SLC15A1: variants seen among roughly 807,000 people sequenced by gnomAD.
SLC15A1 encodes solute carrier family 15 member 1, also known as Caco-2 oligopeptide transporter.
Under a neutral mutation model 92.9 loss-of-function variants are expected in SLC15A1, and 83 were observed. The observed-to-expected ratio is 0.89, with a 90% CI of 0.75 to 1.07. The LOEUF is 1.07. Ranked by LOEUF, SLC15A1 falls within the 50% of genes least tolerant of loss-of-function variation. The pLI is 0.00. For missense variants in SLC15A1, 857 were observed against 880.1 expected, an observed-to-expected ratio of 0.97 and a Z score of 0.33; for synonymous variants, 322 against 318.2, an observed-to-expected ratio of 1.01 and a Z score of -0.13.
At chr13:98,734,030 A>G (rs1192624035) in intron 1 of SLC15A1, among the ~76,000 whole-genome samples, 1 of 152,118 alleles carries the variant, frequency 6.6e-6, no homozygotes, top group Non-Finnish European at 1.5e-5. Flanking sequence ...CAGTGGTGCA[A>G]TCTCAGCTCA....
chr13:98,698,498 G>C (rs2088041176), intron 18 of SLC15A1, among the ~76,000 whole-genome samples: 1 of 152,138 alleles, frequency 6.6e-6, no homozygotes, highest in Admixed American at 6.5e-5. Context: ...GAGTGCAGTG[G>C]CAAAACCTTG....
intron 18 of SLC15A1, among the ~76,000 whole-genome samples, chr13:98,699,297 C>T (rs1282294958): frequency 6.6e-6 from 1 of 152,234 alleles, no homozygotes; most frequent in Non-Finnish European, 1.5e-5. Context: ...AGCTGTCCCT[C>T]TGTTCCCCTT....
At position 98,719,616 on chromosome 13, in the gene SLC15A1, A is replaced by G. The variant is rs139553966; in HGVS notation, c.557-296T>C. 7.0e-3 allele frequency among the ~76,000 whole-genome samples: 1,063 copies of G among 152,274 alleles called. 13 individuals carry two copies. The highest frequency in any genetic ancestry group is 0.024 in the African/African-American group (1,005 of 41,544). On this transcript the variant is annotated intron_variant, in intron 7 of 22. Coordinates refer to ENST00000376503, the MANE Select transcript of SLC15A1 (RefSeq NM_005073.4). ...TTTCTTTACGGGGGAGATAAAGATG[A>G]CCTGGATACACTAACTTGATTATAT...
At chr13:98,688,389 T>C (rs1192192019) in intron 19 of SLC15A1, 33 bp from the exon 20 acceptor site, 1 of 1,605,902 alleles carries the variant, frequency 6.2e-7, no homozygotes, top group Non-Finnish European at 8.5e-7. Context: ...TGGTTAACAT[T>C]CTTGGCATTA....
At chr13:98,699,233 G>A (rs1390003963) in intron 18 of SLC15A1, among the ~76,000 whole-genome samples, 1 of 152,104 alleles carries the variant, frequency 6.6e-6, no homozygotes, top group East Asian at 1.9e-4. Flanking sequence ...GTGGGACTGG[G>A]CAAGAGAACA....
chr13:98,685,284 T>C (rs1174157913), intron 22 of SLC15A1, among the ~76,000 whole-genome samples: 2 of 152,164 alleles, frequency 1.3e-5, no homozygotes, highest in African/African-American at 4.8e-5. Context: ...TATGCTGAAC[T>C]CCAGCAAGTT....
intron 18 of SLC15A1, 101 bp downstream of exon 18, chr13:98,702,379 T>C: frequency 2.3e-6 from 2 of 864,690 alleles, no homozygotes; most frequent in Non-Finnish European, 3.9e-6. Flanking sequence ...ACAAACCCTA[T>C]AATCTCATTT....
intron 1 of SLC15A1, among the ~76,000 whole-genome samples, chr13:98,738,219 G>T (rs1239356683): frequency 2.0e-5 from 3 of 152,116 alleles, no homozygotes; most frequent in African/African-American, 7.3e-5. Flanking sequence ...GAGTGTAAAA[G>T]TTGGGAAAAT....
In SLC15A1 at chr13:98,686,205, G is replaced by T. The variant is rs369729486; in HGVS notation, c.1920C>A (p.Gly640=). ...NIIVLIVAGA[G]QFSKQWAEYI... is the part of the protein sequence containing the mutation. ...CACGCCATACCTGTTTGCTGAACTG[G>T]CCTGCCCCTGCCACGATGAGCACAA... is the stretch of plus-strand genomic sequence containing the variant. The change falls in exon 22 of 23, where the codon GGC becomes GGA. Residue 640 remains glycine (G), a synonymous_variant. Transcript: ENST00000376503. The T allele has an allele frequency of 4.3e-6, 7 of 1,613,104 alleles. No homozygotes were observed. The highest frequency in any genetic ancestry group is 2.2e-5 in the South Asian group (2 of 90,912).
chr13:98,748,616 C>T (rs941639500), intron 1 of SLC15A1, among the ~76,000 whole-genome samples: 13 of 152,098 alleles, frequency 8.5e-5, no homozygotes, highest in South Asian at 2.1e-4. Context: ...AAGACGGCAC[C>T]GGCAGACTAA....
intron 1 of SLC15A1, among the ~76,000 whole-genome samples, chr13:98,745,839 G>A (rs2088488703): frequency 1.1e-5 from 1 of 93,210 alleles, no homozygotes; most frequent in Non-Finnish European, 2.7e-5. Context: ...GTGTCTTGAT[G>A]TATTTTTGTT....
At chr13:98,739,508 T>C (rs955920316) in intron 1 of SLC15A1, among the ~76,000 whole-genome samples, 4 of 152,188 alleles carry the variant, frequency 2.6e-5, no homozygotes, top group African/African-American at 7.2e-5. Flanking sequence ...CTTGATACTG[T>C]CCTCACAATA....
At chr13:98,721,211 C>T in intron 7 of SLC15A1, 2 of 578,448 alleles carry the variant, frequency 3.5e-6, no homozygotes, top group Non-Finnish European at 6.7e-6. Flanking sequence ...TACCTCTTAC[C>T]ACGAGCATGA....
chr13:98,721,428 C>A, intron 7 of SLC15A1, 67 bp downstream of exon 7: 2 of 1,099,814 alleles, frequency 1.8e-6, no homozygotes, highest in Non-Finnish European at 2.8e-6. Flanking sequence ...CAGAACAAAA[C>A]GAAGAAGACA....
chr13:98,723,582 TG>T (rs199563893), intron 5 of SLC15A1, among the ~76,000 whole-genome samples: 2,476 of 152,260 alleles, frequency 0.016, 64 homozygotes, highest in African/African-American at 0.057. Flanking sequence ...CACCTGGCGG[TG>T]TGAAGGATCA....
intron 18 of SLC15A1, among the ~76,000 whole-genome samples, chr13:98,692,588 C>T (rs2087988848): frequency 6.6e-6 from 1 of 152,170 alleles, no homozygotes; most frequent in African/African-American, 2.4e-5. Context: ...TCTGCCTCAA[C>T]ACCCGTAATT....
At chr13:98,713,325 G>C (rs1050563552) in intron 9 of SLC15A1, among the ~76,000 whole-genome samples, 26 of 151,932 alleles carry the variant, frequency 1.7e-4, no homozygotes, top group African/African-American at 5.6e-4. Flanking sequence ...GCCTCCCAAA[G>C]TGCTGGAGTG....
chr13:98,721,284 G>C (rs560656526), intron 7 of SLC15A1: 56 of 682,412 alleles, frequency 8.2e-5, no homozygotes, highest in African/African-American at 7.8e-4. Flanking sequence ...AGACTCTCCA[G>C]TGGTCACTGG....
intron 1 of SLC15A1, among the ~76,000 whole-genome samples, chr13:98,750,652 C>T (rs2088537459): frequency 6.6e-6 from 1 of 152,114 alleles, no homozygotes; most frequent in African/African-American, 2.4e-5. Flanking sequence ...AGGACCACGT[C>T]CTTTTTGTCC....
Sources: gnomAD v4.1 joint callset for allele counts (sites outside exome capture counted in the v4.1 genomes callset) on GRCh38, gnomAD v4.1.1 for gene constraint, MANE v1.5 for transcripts, NCBI Gene and HGNC (gene_info 2026-07-23, HGNC 2026-07-21) for gene names.